Variants in FRAS1 observed in about 807,000 individuals in gnomAD.
The protein encoded by FRAS1 is extracellular matrix organizing protein FRAS1.
In FRAS1, 290 loss-of-function variants were observed where a neutral mutation model predicts 435.2. That is an observed-to-expected ratio of 0.67 (90% CI 0.61 to 0.73). The LOEUF (loss-of-function observed/expected upper bound fraction) is 0.73. Among genes scored for constraint, FRAS1 ranks in the 30% least tolerant of loss-of-function variants. FRAS1 has a pLI of 0.00. For synonymous variants in FRAS1, 1,800 were observed against 1,851.0 expected, an observed-to-expected ratio of 0.97 and a Z score of 0.71; for missense variants, 4,860 against 5,001.5, an observed-to-expected ratio of 0.97 and a Z score of 0.85.
chr4:78,501,794 C>T (rs1487442953), intron 61 of FRAS1, among the ~76,000 whole-genome samples: 6 of 152,128 alleles, frequency 3.9e-5, no homozygotes, highest in Admixed American at 2.0e-4. Flanking sequence ...GAAGTCGTTA[C>T]CCATGCCTAT....
At chr4:78,110,442 T>C (rs1260842665) in intron 2 of FRAS1, among the ~76,000 whole-genome samples, 6 of 102,442 alleles carry the variant, frequency 5.9e-5, no homozygotes, top group Non-Finnish European at 1.2e-4. Context: ...TCAGAAATAA[T>C]GCCGCATGTC....
rs780941771 is a variant in FRAS1 at position 78,245,334 on chromosome 4, T to C, written c.309+9T>C. 7 of 1,562,256 alleles carry C rather than the reference T, an allele frequency of 4.5e-6. No homozygotes were observed. In the African/African-American group the frequency reaches 9.5e-5, roughly 21 times the overall value. On this transcript the variant is annotated intron_variant, in intron 4 of 73. Transcript: ENST00000512123. ...AAAAGAAAATCCATGAGGTAAGTGT[T>C]TTCTGACTCACGGTTGATTCTGTGT... is the stretch of plus-strand genomic sequence containing the variant.
chr4:78,294,492 G>C (rs1399071373), intron 14 of FRAS1, among the ~76,000 whole-genome samples: 1 of 152,190 alleles, frequency 6.6e-6, no homozygotes, highest in Non-Finnish European at 1.5e-5. Context: ...TAGGAATATA[G>C]GTAGAGGGGC....
chr4:78,069,244 G>A (rs2109855380), intron 2 of FRAS1, among the ~76,000 whole-genome samples: 1 of 152,248 alleles, frequency 6.6e-6, no homozygotes, highest in African/African-American at 2.4e-5. Flanking sequence ...AAATTCTTTA[G>A]GTTTGTTCAT....
intron 45 of FRAS1, 95 bp downstream of exon 45, chr4:78,450,434 TGTGC>T: frequency 1.0e-6 from 1 of 969,734 alleles, no homozygotes; most frequent in Non-Finnish European, 1.6e-6. Context: ...GGCAATAAAC[TGTGC>T]ACTCTTTGTT....
At chr4:78,364,329 G>T (rs1177616661) in intron 22 of FRAS1, among the ~76,000 whole-genome samples, 1 of 152,246 alleles carries the variant, frequency 6.6e-6, no homozygotes, top group Middle Eastern at 3.4e-3. Flanking sequence ...CTCTGTCCAG[G>T]TTATCTCATT....
chr4:78,498,854 A>ATTTATTTT (rs1434283617), intron 60 of FRAS1, among the ~76,000 whole-genome samples: 1 of 151,206 alleles, frequency 6.6e-6, no homozygotes, highest in East Asian at 1.9e-4. Context: ...TTATTTATTT[A>ATTTATTTT]TTTATTTATT....
At chr4:78,372,471 C>G (rs918506406) in intron 23 of FRAS1, among the ~76,000 whole-genome samples, 1 of 152,206 alleles carries the variant, frequency 6.6e-6, no homozygotes, top group African/African-American at 2.4e-5. Context: ...TGCCAACAAG[C>G]AGGCTCAGCA....
intron 14 of FRAS1, among the ~76,000 whole-genome samples, chr4:78,305,961 T>C (rs1464394808): frequency 6.6e-6 from 1 of 152,284 alleles, no homozygotes; most frequent in South Asian, 2.1e-4. Context: ...TTAGTCTCGA[T>C]GGTCTTTACA....
intron 6 of FRAS1, among the ~76,000 whole-genome samples, chr4:78,257,585 C>T (rs1030364215): frequency 1.3e-4 from 20 of 152,066 alleles, no homozygotes; most frequent in African/African-American, 4.8e-4. Context: ...ATTTTGTAAT[C>T]ATTAAGGAAA....
intron 2 of FRAS1, among the ~76,000 whole-genome samples, chr4:78,137,906 G>C (rs1719992068): frequency 6.6e-6 from 1 of 152,234 alleles, no homozygotes; most frequent in Non-Finnish European, 1.5e-5. Context: ...ATAGGCAATA[G>C]TATGAAATGC....
intron 2 of FRAS1, among the ~76,000 whole-genome samples, chr4:78,122,844 T>G (rs1276414413): frequency 2.0e-5 from 3 of 152,312 alleles, no homozygotes; most frequent in African/African-American, 7.2e-5. Context: ...TCTTGTAAAT[T>G]TGTTTAAGTT....
At chr4:78,300,806 G>A (rs1414472289) in intron 14 of FRAS1, among the ~76,000 whole-genome samples, 1 of 152,016 alleles carries the variant, frequency 6.6e-6, no homozygotes, top group East Asian at 1.9e-4. Flanking sequence ...AGCCACAGGG[G>A]CAGCCCTCAG....
chr4:78,091,701 C>T (rs1578117543), intron 2 of FRAS1, among the ~76,000 whole-genome samples: 1 of 151,690 alleles, frequency 6.6e-6, no homozygotes, highest in South Asian at 2.1e-4. Context: ...GGCTGGAGTG[C>T]TGTGGCTATT....
At chr4:78,272,473 T>C (rs1190575954) in intron 9 of FRAS1, among the ~76,000 whole-genome samples, 2 of 152,356 alleles carry the variant, frequency 1.3e-5, no homozygotes, top group East Asian at 3.9e-4. Flanking sequence ...TAATCCATCT[T>C]GAATTAATTT....
rs750377956 is a variant in FRAS1 at position 78,507,608 on chromosome 4, T to G, written c.9504T>G (p.Ile3168Met). 1.3e-6 allele frequency: 2 copies of G among 1,584,558 alleles called. No homozygotes were observed. The highest frequency in any genetic ancestry group is 3.9e-5 in the Admixed American group (2 of 51,876). The change falls in exon 62 of 74, where the codon ATT becomes ATG. Residue 3168 changes from isoleucine to methionine, a missense_variant and splice_region_variant. Coordinates refer to ENST00000512123, the MANE Select transcript of FRAS1 (RefSeq NM_025074.7). ...GCCTCATATTGCCAGCACCACCCAT[T>G]GTGAGTTGCTTGACCCAAAGGATTG... ...AGSLILPAPP[I>M]VVTLADYDHV...
rs1214560298 is a variant in FRAS1 at position 78,477,844 on chromosome 4, G to C, written c.7881G>C (p.Lys2627Asn). The change falls in exon 55 of 74, where the codon AAG becomes AAC. Residue 2627 changes from lysine (K) to asparagine (N), a missense_variant. Lys to Asn is a moderately conservative substitution (Grantham distance 94, BLOSUM62 0). Transcript: ENST00000512123. ...QVQFDEREDT[K>N]SCTIVINDDD... ...AGTTTGATGAGCGAGAGGACACCAA[G>C]TCCTGCACCATTGTCATCAACGATG... The C allele has an allele frequency of 6.2e-7, 1 of 1,613,530 alleles. No homozygotes were observed. The highest frequency in any genetic ancestry group is 8.5e-7 in the Non-Finnish European group (1 of 1,179,784).
intron 24 of FRAS1, among the ~76,000 whole-genome samples, chr4:78,373,547 G>A (rs1485366446): frequency 4.0e-5 from 6 of 151,266 alleles, no homozygotes; most frequent in Non-Finnish European, 8.8e-5. Flanking sequence ...GGAGGCGGAG[G>A]CAGACAGATC....
chr4:78,513,222 GTGTATATGTATACCCCC>G (rs1015451564), intron 64 of FRAS1, among the ~76,000 whole-genome samples, 153 bp from the exon 65 acceptor site: 1 of 152,104 alleles, frequency 6.6e-6, no homozygotes, highest in African/African-American at 2.4e-5. Flanking sequence ...ATGATACTAT[GTGTATATGTATACCCCC>G]TGTTCAGATA....
Sources: gnomAD v4.1 joint callset for allele counts (sites outside exome capture counted in the v4.1 genomes callset) on GRCh38, gnomAD v4.1.1 for gene constraint, MANE v1.5 for transcripts, NCBI Gene and HGNC (gene_info 2026-07-23, HGNC 2026-07-21) for gene names.